Variants in NAV2 observed in about 807,000 individuals in gnomAD.
NAV2 encodes helicase, APC down-regulated 1.
In NAV2, 54 loss-of-function variants were observed where a neutral mutation model predicts 223.2. The ratio of observed to expected loss-of-function variants is 0.24; its 90% CI spans 0.19 to 0.30. The LOEUF (loss-of-function observed/expected upper bound fraction) is 0.30. Among genes scored for constraint, NAV2 ranks in the 10% least tolerant of loss-of-function variants. NAV2 has a pLI of 1.00. For synonymous variants in NAV2, 1,279 were observed against 1,239.3 expected (o/e 1.03, Z -0.67); for missense variants, 2,806 against 3,147.5 (o/e 0.89, Z 2.60).
chr11:20,084,049 G>A (rs2060261731), intron 26 of NAV2, among the ~76,000 whole-genome samples: 1 of 152,198 alleles, frequency 6.6e-6, no homozygotes, highest in Non-Finnish European at 1.5e-5. Context: ...GCATGGGAGT[G>A]GAAGAGAGGA....
intron 1 of NAV2, among the ~76,000 whole-genome samples, chr11:19,783,573 G>T (rs185853991): frequency 3.3e-5 from 5 of 152,242 alleles, no homozygotes; most frequent in Admixed American, 2.0e-4. Flanking sequence ...TTGAGCTGCT[G>T]GTGGATGTGG....
intron 27 of NAV2, among the ~76,000 whole-genome samples, 197 bp from the exon 28 acceptor site, chr11:20,092,009 G>A (rs1350715305): frequency 6.6e-6 from 1 of 152,188 alleles, no homozygotes; most frequent in East Asian, 1.9e-4. Context: ...TTCTCTGAAT[G>A]GATGGACCTC....
intron 10 of NAV2, 114 bp downstream of exon 10, chr11:19,949,194 T>A: frequency 4.3e-6 from 5 of 1,176,314 alleles, no homozygotes; most frequent in Non-Finnish European, 5.8e-6. Context: ...CCCACCTGAG[T>A]TTCTGCTGTC....
At chr11:19,871,558 G>A (rs1180269407) in intron 4 of NAV2, among the ~76,000 whole-genome samples, 2 of 152,066 alleles carry the variant, frequency 1.3e-5, no homozygotes, top group Non-Finnish European at 2.9e-5. Flanking sequence ...CTCCCATGTA[G>A]CTCCCGGGGC....
chr11:19,570,872 G>A (rs938964415), intron 1 of NAV2, among the ~76,000 whole-genome samples: 2 of 152,218 alleles, frequency 1.3e-5, no homozygotes, highest in Non-Finnish European at 2.9e-5. Context: ...GCAGAAAACA[G>A]TTGATGGTAT....
chr11:19,597,409 T>C (rs1327698808), intron 1 of NAV2, among the ~76,000 whole-genome samples: 1 of 152,214 alleles, frequency 6.6e-6, no homozygotes, highest in African/African-American at 2.4e-5. Context: ...GGGCTTCTCA[T>C]ATTTATGCCT....
chr11:20,014,452 T>C (rs1444571681), intron 11 of NAV2, among the ~76,000 whole-genome samples: 4 of 152,200 alleles, frequency 2.6e-5, no homozygotes, highest in African/African-American at 7.2e-5. Flanking sequence ...CTCCTTTAAT[T>C]TTCTGTTTAA....
intron 6 of NAV2, among the ~76,000 whole-genome samples, chr11:19,909,690 C>T (rs954351317): frequency 1.3e-5 from 2 of 152,092 alleles, no homozygotes; most frequent in African/African-American, 2.4e-5. Context: ...CAGGAGCAAG[C>T]TTGGTCTTTT....
At chr11:19,605,890 A>G (rs145106743) in intron 1 of NAV2, among the ~76,000 whole-genome samples, 1 of 152,282 alleles carries the variant, frequency 6.6e-6, no homozygotes, top group East Asian at 1.9e-4. Context: ...TATGCAACCA[A>G]TGCAACCCGC....
rs11267537 is a variant in NAV2 at position 20,106,175 on chromosome 11, A to ATATATATATGTGTGTG, written c.6841+449_6841+450insATATATATGTGTGTGT. ...TGTGTGTATATATATATATATATAT[A>ATATATATATGTGTGTG]TGTGTGTGTATATATATATATATAT... On this transcript the variant is annotated intron_variant, in intron 35 of 37. Coordinates refer to ENST00000349880, the MANE Select transcript of NAV2 (RefSeq NM_145117.5). Among the ~76,000 whole-genome samples the ATATATATATGTGTGTG allele has an allele frequency of 3.5e-3, 125 of 35,814 alleles. 14 individuals carry two copies. Among genetic ancestry groups the ATATATATATGTGTGTG allele is most frequent in the Middle Eastern group, 0.016 (1 of 62 alleles). 23.5% of individuals were successfully genotyped at this position (35,814 alleles called of 152,430 possible).
chr11:20,076,183 G>GGGTA (rs1332566325), intron 22 of NAV2, among the ~76,000 whole-genome samples: 5 of 152,168 alleles, frequency 3.3e-5, no homozygotes, highest in African/African-American at 1.2e-4. Flanking sequence ...CAGGTGATTT[G>GGGTA]CTCTGTTATG....
intron 11 of NAV2, among the ~76,000 whole-genome samples, chr11:19,994,568 A>G (rs1004653448): frequency 1.9e-4 from 29 of 151,860 alleles, no homozygotes; most frequent in Non-Finnish European, 3.4e-4. Flanking sequence ...AAAAAAAAAA[A>G]AGAGTAAAAA....
At chr11:19,553,235 C>A (rs1355678493) in intron 1 of NAV2, among the ~76,000 whole-genome samples, 1 of 152,144 alleles carries the variant, frequency 6.6e-6, no homozygotes, top group South Asian at 2.1e-4. Context: ...TAGAAAGCCC[C>A]AAAATTCCTG....
At position 19,523,262 on chromosome 11, in the gene NAV2, A is replaced by C. The variant is rs531798510; in HGVS notation, c.75+172235A>C. Among the ~76,000 whole-genome samples the C allele has an allele frequency of 2.6e-5, 4 of 152,236 alleles. No homozygotes were observed. The East Asian group carries it at 5.8e-4, about 22-fold the overall frequency. ...TGCCCGGTCCTCCTGTGTGCCTTTCACATGCCTTCCCCATGCTTGTCAGGC... is the reference window on the plus strand; with the variant it reads ...TGCCCGGTCCTCCTGTGTGCCTTTCCCATGCCTTCCCCATGCTTGTCAGGC... On this transcript the variant is annotated intron_variant, in intron 1 of 37. Transcript: ENST00000360655.
chr11:19,845,158 C>A (rs2152954712), intron 3 of NAV2, among the ~76,000 whole-genome samples: 1 of 152,264 alleles, frequency 6.6e-6, no homozygotes, highest in Middle Eastern at 3.4e-3. Flanking sequence ...AATAGGACAC[C>A]TGTGTGCACA....
chr11:19,688,338 T>G (rs935523875), intron 1 of NAV2, among the ~76,000 whole-genome samples: 1 of 152,188 alleles, frequency 6.6e-6, no homozygotes, highest in Non-Finnish European at 1.5e-5. Flanking sequence ...CTGTGTAATC[T>G]TATCCATTCC....
intron 6 of NAV2, among the ~76,000 whole-genome samples, chr11:19,901,053 C>T (rs2042403500): frequency 1.3e-5 from 2 of 152,184 alleles, no homozygotes; most frequent in African/African-American, 4.8e-5. Context: ...TGTTGTCTCT[C>T]AAGGTGTGAT....
At chr11:19,513,615 G>A (rs761304715) in intron 1 of NAV2, among the ~76,000 whole-genome samples, 9 of 152,138 alleles carry the variant, frequency 5.9e-5, no homozygotes, top group East Asian at 5.8e-4. Context: ...CATTATTTTC[G>A]TTTCTTTTGT....
At chr11:19,974,512 G>A (rs2049534012) in intron 10 of NAV2, among the ~76,000 whole-genome samples, 1 of 152,234 alleles carries the variant, frequency 6.6e-6, no homozygotes, top group Non-Finnish European at 1.5e-5. Context: ...TAGCCCAGGA[G>A]CAGTGGCTCA....
Sources: gnomAD v4.1 joint callset for allele counts (sites outside exome capture counted in the v4.1 genomes callset) on GRCh38, gnomAD v4.1.1 for gene constraint, MANE v1.5 for transcripts, NCBI Gene and HGNC (gene_info 2026-07-23, HGNC 2026-07-21) for gene names.